Variants in CDH12 observed in about 807,000 individuals in gnomAD.
CDH12 encodes the protein cadherin 12.
CDH12 carries 41 observed loss-of-function variants against 74.1 expected under a neutral mutation model. The observed-to-expected ratio is 0.55, with a 90% CI of 0.43 to 0.72. CDH12 has a LOEUF of 0.72. CDH12 is among the 30% of genes least tolerant of loss of function. The pLI, the probability that CDH12 is intolerant of heterozygous loss-of-function variation, is 0.00. For missense variants in CDH12, 945 were observed against 977.2 expected (o/e 0.97, Z 0.44); for synonymous variants, 399 against 355.0 (o/e 1.12, Z -1.39).
At chr5:22,130,309 A>C (rs1260238676) in intron 4 of CDH12, among the ~76,000 whole-genome samples, 2 of 151,816 alleles carry the variant, frequency 1.3e-5, no homozygotes, top group East Asian at 3.9e-4. Flanking sequence ...AATTACTTAA[A>C]AAGTTGAGAA....
intron 3 of CDH12, among the ~76,000 whole-genome samples, chr5:22,294,642 C>T (rs1225951157): frequency 6.6e-6 from 1 of 152,052 alleles, no homozygotes; most frequent in African/African-American, 2.4e-5. Flanking sequence ...TTGCTTTAGC[C>T]TCCACAGAGA....
intron 5 of CDH12, among the ~76,000 whole-genome samples, chr5:22,067,352 A>G (rs1253000409): frequency 6.6e-6 from 1 of 152,234 alleles, no homozygotes; most frequent in Admixed American, 6.5e-5. Flanking sequence ...GAAAAGGTGA[A>G]GCATAAGTTG....
At chr5:22,016,386 T>C (rs891503801) in intron 5 of CDH12, among the ~76,000 whole-genome samples, 1 of 152,060 alleles carries the variant, frequency 6.6e-6, no homozygotes, top group African/African-American at 2.4e-5. Context: ...GAATCACTTA[T>C]ATAAGATTTT....
chr5:22,018,323 T>C lies in CDH12; in HGVS notation c.232-42938A>G, dbSNP rs965691412. On this transcript the variant is annotated intron_variant, in intron 5 of 14. Transcript: ENST00000382254. ...ATGATAGCATACATCTTTAGTATTG[T>C]ATAATTTCAAAACACTTTGTACTAT... 3.3e-5 allele frequency among the ~76,000 whole-genome samples: 5 copies of C among 152,248 alleles called. No homozygotes were observed. In the East Asian group the frequency reaches 9.6e-4, roughly 29 times the overall value.
chr5:21,976,942 C>T (rs1757095492), intron 5 of CDH12, among the ~76,000 whole-genome samples: 1 of 152,020 alleles, frequency 6.6e-6, no homozygotes, highest in Non-Finnish European at 1.5e-5. Flanking sequence ...CAAATAAATA[C>T]AAGTTCAACT....
intron 1 of CDH12, among the ~76,000 whole-genome samples, chr5:22,844,492 C>A (rs1029219357): frequency 3.3e-5 from 5 of 152,078 alleles, no homozygotes; most frequent in Non-Finnish European, 7.4e-5. Flanking sequence ...TCTATTAGAT[C>A]AGACAATCTG....
intron 9 of CDH12, among the ~76,000 whole-genome samples, chr5:21,809,119 G>T (rs1382391380): frequency 6.6e-6 from 1 of 151,848 alleles, no homozygotes; most frequent in Admixed American, 6.6e-5. Context: ...TTTTTCTGTG[G>T]ACAAGTTATT....
chr5:22,659,305 T>C (rs775124893), intron 1 of CDH12, among the ~76,000 whole-genome samples: 1 of 152,138 alleles, frequency 6.6e-6, no homozygotes, highest in Non-Finnish European at 1.5e-5. Context: ...ATTACCTCTA[T>C]CTCGAAGCTT....
At chr5:22,462,746 C>T (rs1297623675) in intron 2 of CDH12, among the ~76,000 whole-genome samples, 1 of 152,104 alleles carries the variant, frequency 6.6e-6, no homozygotes, top group Non-Finnish European at 1.5e-5. Context: ...GAGAAGCCAG[C>T]ACACACTGAA....
chr5:21,770,649 T>C (rs1745274084), intron 11 of CDH12, among the ~76,000 whole-genome samples: 1 of 151,776 alleles, frequency 6.6e-6, no homozygotes, highest in African/African-American at 2.4e-5. Context: ...AAATTCGGTA[T>C]TGTGATTTCT....
At chr5:21,769,678 T>C (rs716485) in intron 11 of CDH12, among the ~76,000 whole-genome samples, 2,311 of 152,248 alleles carry the variant, frequency 0.015, 59 homozygotes, top group African/African-American at 0.052. Context: ...TGATAAACCC[T>C]GGAAAACCTG....
intron 6 of CDH12, among the ~76,000 whole-genome samples, chr5:21,938,403 A>C (rs1755169523): frequency 6.6e-6 from 1 of 151,420 alleles, no homozygotes; most frequent in African/African-American, 2.4e-5. Flanking sequence ...GGATAGCTAG[A>C]CATAACAATA....
chr5:21,984,697 T>C (rs557546082), intron 5 of CDH12, among the ~76,000 whole-genome samples: 3 of 152,190 alleles, frequency 2.0e-5, no homozygotes, highest in Non-Finnish European at 4.4e-5. Flanking sequence ...TTAAAGGTGT[T>C]TGGGAGGTAC....
chr5:22,467,919 G>T (rs577728610), intron 2 of CDH12, among the ~76,000 whole-genome samples: 1 of 152,310 alleles, frequency 6.6e-6, no homozygotes, highest in African/African-American at 2.4e-5. Context: ...CATCTGTAAT[G>T]ATTCATAAGA....
intron 2 of CDH12, among the ~76,000 whole-genome samples, chr5:22,438,427 G>A (rs1360478440): frequency 6.6e-6 from 1 of 152,016 alleles, no homozygotes; most frequent in Non-Finnish European, 1.5e-5. Flanking sequence ...CAGAAGTGAT[G>A]AGACTATTCA....
At chr5:22,726,044 T>C (rs1485231922) in intron 1 of CDH12, among the ~76,000 whole-genome samples, 3 of 151,724 alleles carry the variant, frequency 2.0e-5, no homozygotes. Flanking sequence ...TGAACCTACA[T>C]TGACACATCA....
chr5:21,933,679 G>A (rs1754946234), intron 6 of CDH12, among the ~76,000 whole-genome samples: 1 of 152,170 alleles, frequency 6.6e-6, no homozygotes, highest in Admixed American at 6.5e-5. Flanking sequence ...ACTGAGAAAT[G>A]GGAGGTTGCT....
At chr5:22,658,433 G>A (rs1339667277) in intron 1 of CDH12, among the ~76,000 whole-genome samples, 1 of 152,038 alleles carries the variant, frequency 6.6e-6, no homozygotes, top group East Asian at 1.9e-4. Flanking sequence ...TCTATGCTAT[G>A]TGCATAAAAG....
rs1292742039 is a variant in CDH12, at chr5:21,975,201, G to A, written c.416C>T (p.Pro139Leu). The change falls in exon 6 of 15, where the codon CCC (proline) becomes CTC (leucine). Residue 139 changes from proline to leucine, a missense_variant. By Grantham distance (98) the Pro-to-Leu change is moderately conservative. This residue lies in a region of CDH12 where 6 missense variants were observed against 21.7 expected (regional missense o/e 0.28). Transcript: ENST00000382254. ...AQAVDIETRK[P>L]LEPESEFIIK... The stretch of plus-strand genomic sequence containing the variant: ...GATGAATTCTGATTCAGGCTCCAGG[G>A]GCTTTCTGGTTTCTATGTCCACAGC... 1 of 1,596,914 alleles carries A rather than the reference G, an allele frequency of 6.3e-7. No individual in the cohort carries two copies. The highest frequency in any genetic ancestry group is 8.5e-7 in the Non-Finnish European group (1 of 1,179,432).
Sources: allele counts gnomAD v4.1 joint callset (sites outside exome capture counted in the v4.1 genomes callset), GRCh38; gene constraint gnomAD v4.1.1; regional missense constraint gnomAD v4.1.1; transcripts MANE v1.5; gene names NCBI Gene and HGNC (gene_info 2026-07-23, HGNC 2026-07-21).